Variants in CHN1 observed in about 807,000 individuals in gnomAD.
The protein encoded by CHN1 is N-chimaerin.
In CHN1, 37 loss-of-function variants were observed where a neutral mutation model predicts 59.5. The observed-to-expected ratio is 0.62, with a 90% CI of 0.48 to 0.82. The LOEUF is 0.82. Ranked by LOEUF, CHN1 falls within the 40% of genes least tolerant of loss-of-function variation. CHN1 has a pLI of 0.00. For missense variants in CHN1, 469 were observed against 571.0 expected (o/e 0.82, Z 1.82); for synonymous variants, 206 against 200.4 (o/e 1.03, Z -0.24).
intron 1 of CHN1, among the ~76,000 whole-genome samples, chr2:174,997,469 G>C (rs992651656): frequency 6.6e-6 from 1 of 152,140 alleles, no homozygotes; most frequent in African/African-American, 2.4e-5. Flanking sequence ...CATGCTAAAA[G>C]AATGTACTTA....
chr2:174,987,463 A>G (rs1691387100), intron 1 of CHN1, among the ~76,000 whole-genome samples: 1 of 150,282 alleles, frequency 6.7e-6, no homozygotes, highest in Admixed American at 6.6e-5. Context: ...GCTGGAGTAC[A>G]GTGGCGCAAT....
chr2:174,864,578 T>A (rs1337751380), intron 6 of CHN1, among the ~76,000 whole-genome samples: 1 of 152,160 alleles, frequency 6.6e-6, no homozygotes, highest in Non-Finnish European at 1.5e-5. Flanking sequence ...TATTTAAAAT[T>A]CACATGTTCT....
chr2:174,858,907 T>G (rs1203036334), intron 6 of CHN1, among the ~76,000 whole-genome samples: 1 of 151,156 alleles, frequency 6.6e-6, no homozygotes, highest in African/African-American at 2.4e-5. Flanking sequence ...AAGAAAAGAT[T>G]AAAGGATGAT....
chr2:174,835,758 C>A (rs1686054722), intron 7 of CHN1, among the ~76,000 whole-genome samples: 1 of 152,042 alleles, frequency 6.6e-6, no homozygotes, highest in Non-Finnish European at 1.5e-5. Flanking sequence ...GCTTCCATTT[C>A]TTTCCTCACT....
intron 9 of CHN1, chr2:174,812,104 T>C: frequency 2.4e-6 from 1 of 411,410 alleles, no homozygotes; most frequent in Non-Finnish European, 4.3e-6. Context: ...GCACATTGGC[T>C]ACACTTAGTT....
intron 1 of CHN1, among the ~76,000 whole-genome samples, chr2:175,002,144 C>T (rs1367669966): frequency 6.6e-6 from 1 of 152,172 alleles, no homozygotes; most frequent in Non-Finnish European, 1.5e-5. Flanking sequence ...CGAGCAGAGT[C>T]TGTAATACAT....
At chr2:174,804,382 T>C (rs1684821560) in intron 11 of CHN1, among the ~76,000 whole-genome samples, 1 of 152,138 alleles carries the variant, frequency 6.6e-6, no homozygotes, top group African/African-American at 2.4e-5. Context: ...ATGTAGGCTA[T>C]TTTAAGGATT....
At chr2:174,970,848 C>G (rs561739711) in intron 1 of CHN1, among the ~76,000 whole-genome samples, 3 of 152,318 alleles carry the variant, frequency 2.0e-5, no homozygotes, top group Non-Finnish European at 4.4e-5. Context: ...TATTAAAACA[C>G]TGCCCTTTTT....
At chr2:174,800,362 A>G in intron 12 of CHN1, 75 bp from the exon 13 acceptor site, 1 of 1,140,300 alleles carries the variant, frequency 8.8e-7, no homozygotes, top group Non-Finnish European at 1.2e-6. Context: ...ACACTAAAAC[A>G]ACAAGATTCA....
In CHN1 at chr2:175,004,989, G is replaced by A. The variant is rs952275073; in HGVS notation, c.-77C>T. 5.3e-6 allele frequency: 8 copies of A among 1,503,906 alleles called. No homozygotes were observed. The highest frequency in any genetic ancestry group is 2.5e-5 in the South Asian group (2 of 81,028). The allele number at this position is 1,503,906 out of a possible 1,614,324, so 93.2% of individuals were successfully genotyped here. A position where few individuals can be genotyped will look rare whatever the true frequency, so the allele number is the denominator to read the frequency against. ...CTAGGGATCACCTCATCAGCCCGCC[G>A]CACCCACACCTCGGAGAGAGTGGGG... On this transcript the variant is annotated 5_prime_UTR_variant, in exon 1 of 13. Transcript: ENST00000409900.
chr2:174,808,493 C>T (rs567813655), intron 11 of CHN1, among the ~76,000 whole-genome samples: 1 of 152,316 alleles, frequency 6.6e-6, no homozygotes, highest in African/African-American at 2.4e-5. Flanking sequence ...CCATGTTGGC[C>T]AGGCTGGTCT....
At position 174,799,043 on chromosome 2, in the gene CHN1, A is replaced by G. The variant is rs975144278; in HGVS notation, c.*1073T>C. The stretch of plus-strand genomic sequence containing the variant: ...GGCTCATCTCTCAGGCAGCATTGTC[A>G]GCTCAATGCATGTTGATGTCATATA... On this transcript the variant is annotated 3_prime_UTR_variant, in exon 13 of 13. Coordinates refer to ENST00000409900, the MANE Select transcript of CHN1 (RefSeq NM_001822.7). Among the ~76,000 whole-genome samples, 14 of 152,380 alleles carry G rather than the reference A, an allele frequency of 9.2e-5. No individual in the cohort carries two copies. Among genetic ancestry groups the G allele is most frequent in the African/African-American group, 3.4e-4 (14 of 41,592 alleles).
chr2:174,801,621 A>C, intron 12 of CHN1, 86 bp downstream of exon 12: 1 of 910,584 alleles, frequency 1.1e-6, no homozygotes, highest in Non-Finnish European at 1.8e-6. Flanking sequence ...TCAATAGATT[A>C]TTTGTCCTTT....
chr2:174,859,123 T>C (rs1686994744), intron 6 of CHN1, among the ~76,000 whole-genome samples: 1 of 152,072 alleles, frequency 6.6e-6, no homozygotes, highest in Admixed American at 6.6e-5. Context: ...ACTGGTACAT[T>C]ACTACCTTGT....
Position 174,851,468 on chromosome 2 carries a change from G to C in CHN1, c.550-4511C>G, listed in dbSNP as rs1272242366. On this transcript the variant is annotated intron_variant, in intron 6 of 12. Transcript: ENST00000409900. ...ATAATTCTTGTATTTTTTTTCTAGA[G>C]ATGGAGTTTCTCCATGTTGCCCAGG... 3.3e-5 allele frequency among the ~76,000 whole-genome samples: 5 copies of C among 152,164 alleles called. No homozygotes were observed. In the South Asian group the frequency reaches 1.0e-3, roughly 32 times the overall value.
intron 7 of CHN1, among the ~76,000 whole-genome samples, chr2:174,830,029 G>A (rs535641970): frequency 5.3e-5 from 8 of 151,918 alleles, no homozygotes; most frequent in Non-Finnish European, 8.8e-5. Flanking sequence ...TCAAGAGATC[G>A]AGACTATCTT....
At position 174,867,473 on chromosome 2, in the gene CHN1, T is replaced by A. The variant is rs57171728; in HGVS notation, c.549+10367A>T. The stretch of plus-strand genomic sequence containing the variant: ...GGTTACCAATCACTAAATAACAAAA[T>A]GTCCTGGCAAGAAGAGTTTCTCTCT... On this transcript the variant is annotated intron_variant, in intron 6 of 12. Transcript: ENST00000409900. Among the ~76,000 whole-genome samples the A allele has an allele frequency of 9.1e-4, 138 of 152,150 alleles. 1 individual carries two copies. The highest frequency in any genetic ancestry group is 3.2e-3 in the African/African-American group (134 of 41,506).
intron 5 of CHN1, among the ~76,000 whole-genome samples, chr2:174,891,945 AAAAAGT>A (rs1278446819): frequency 6.6e-6 from 1 of 152,228 alleles, no homozygotes; most frequent in East Asian, 1.9e-4. Context: ...CCACAAAAAT[AAAAAGT>A]AAAAGAAATT....
At chr2:174,832,474 T>C (rs1685912335) in intron 7 of CHN1, among the ~76,000 whole-genome samples, 1 of 152,098 alleles carries the variant, frequency 6.6e-6, no homozygotes, top group Non-Finnish European at 1.5e-5. Context: ...AGTACTACTT[T>C]AGCCACATTC....
Sources: allele counts gnomAD v4.1 joint callset (sites outside exome capture counted in the v4.1 genomes callset), GRCh38; gene constraint gnomAD v4.1.1; transcripts MANE v1.5; gene names NCBI Gene and HGNC (gene_info 2026-07-23, HGNC 2026-07-21).